The following ENTHD1 variants were observed in gnomAD, a reference collection of about 807,000 sequenced individuals.
The protein encoded by ENTHD1 is ENTH domain containing 1.
In ENTHD1, 23 loss-of-function variants were observed where a neutral mutation model predicts 39.1. The observed-to-expected ratio is 0.59, with a 90% CI of 0.42 to 0.83. The LOEUF is 0.83. ENTHD1 is among the 40% of genes least tolerant of loss of function. ENTHD1 has a pLI of 0.00. For missense variants in ENTHD1, 624 were observed against 705.4 expected (o/e 0.88, Z 1.31); for synonymous variants, 230 against 258.2 (o/e 0.89, Z 1.05).
At chr22:39,820,546 A>AT (rs1244172623) in intron 5 of ENTHD1, among the ~76,000 whole-genome samples, 1 of 152,170 alleles carries the variant, frequency 6.6e-6, no homozygotes, top group Non-Finnish European at 1.5e-5. Context: ...CAATCGTGTA[A>AT]TTTATTGGAG....
chr22:39,779,434 AC>A (rs1214377999), intron 5 of ENTHD1, among the ~76,000 whole-genome samples: 1 of 152,136 alleles, frequency 6.6e-6, no homozygotes, highest in African/African-American at 2.4e-5. Flanking sequence ...AAAAATAACA[AC>A]TGAAATTTTA....
At chr22:39,893,590 C>G (rs767240652) in intron 1 of ENTHD1, 105 bp downstream of exon 1, 3 of 152,422 alleles carry the variant, frequency 2.0e-5, no homozygotes, top group Admixed American at 6.5e-5. Context: ...CTCCCGCCCC[C>G]ACCTGGACTC....
At chr22:39,815,127 G>C (rs987400110) in intron 5 of ENTHD1, among the ~76,000 whole-genome samples, 1 of 152,132 alleles carries the variant, frequency 6.6e-6, no homozygotes, top group African/African-American at 2.4e-5. Context: ...GAAATGTGTC[G>C]ACATATGAAA....
chr22:39,794,646 C>CA (rs902059647), intron 5 of ENTHD1, among the ~76,000 whole-genome samples: 50 of 150,314 alleles, frequency 3.3e-4, no homozygotes, highest in East Asian at 2.0e-3. Context: ...ACTAAAAATA[C>CA]AAAAAAAAAT....
chr22:39,816,533 A>G (rs531804105), intron 5 of ENTHD1, among the ~76,000 whole-genome samples: 1 of 152,236 alleles, frequency 6.6e-6, no homozygotes, highest in East Asian at 1.9e-4. Context: ...TAGAGTTGTT[A>G]AACAGATACT....
At chr22:39,750,884 G>T in intron 6 of ENTHD1, 1 of 161,126 alleles carries the variant, frequency 6.2e-6, no homozygotes. Flanking sequence ...TTGTGACTCA[G>T]ATAATCCAGC....
At position 39,743,090 on chromosome 22, in the gene ENTHD1, T is replaced by C. The variant is rs1303652585; in HGVS notation, c.*589A>G. On this transcript the variant is annotated 3_prime_UTR_variant, in exon 7 of 7. Transcript: ENST00000325157. The stretch of plus-strand genomic sequence containing the variant: ...TCTGAAGTAGAATAAAAGGATGCAT[T>C]TGAATTCACCTTGCAATATACATTG... The C allele has an allele frequency of 3.3e-5, 5 of 152,212 alleles. No individual in the cohort carries two copies. Among genetic ancestry groups the C allele is most frequent in the Non-Finnish European group, 7.3e-5 (5 of 68,046 alleles). 9.4% of individuals were successfully genotyped at this position (152,212 alleles called of 1,614,324 possible).
intron 5 of ENTHD1, among the ~76,000 whole-genome samples, chr22:39,779,131 A>G (rs1051037194): frequency 1.3e-5 from 2 of 152,120 alleles, no homozygotes; most frequent in African/African-American, 4.8e-5. Context: ...AGCCTGGCCA[A>G]CATGGTGAAA....
intron 5 of ENTHD1, among the ~76,000 whole-genome samples, chr22:39,788,974 C>A (rs2065481977): frequency 6.6e-6 from 1 of 152,170 alleles, no homozygotes; most frequent in Admixed American, 6.5e-5. Context: ...ATGGTGTAAA[C>A]ATAACTTCTA....
intron 5 of ENTHD1, among the ~76,000 whole-genome samples, chr22:39,818,455 C>T: frequency 1.3e-5 from 2 of 152,148 alleles, no homozygotes; most frequent in East Asian, 3.8e-4. Context: ...GTCAAAGTAA[C>T]TGGAACAAAG....
chr22:39,786,687 C>T (rs937171906), intron 5 of ENTHD1, among the ~76,000 whole-genome samples: 8 of 152,070 alleles, frequency 5.3e-5, no homozygotes, highest in African/African-American at 1.9e-4. Flanking sequence ...TAACCAACAT[C>T]TCTCCAATCC....
intron 3 of ENTHD1, among the ~76,000 whole-genome samples, chr22:39,851,022 T>A (rs902902296): frequency 6.6e-6 from 1 of 152,236 alleles, no homozygotes; most frequent in Non-Finnish European, 1.5e-5. Context: ...GCAGGTCTCA[T>A]GGTTGTAAAC....
At chr22:39,814,463 GA>G (rs1341406049) in intron 5 of ENTHD1, among the ~76,000 whole-genome samples, 1 of 150,526 alleles carries the variant, frequency 6.6e-6, no homozygotes, top group Non-Finnish European at 1.5e-5. Flanking sequence ...TTGTCTCAGG[GA>G]AAAAAAAAGA....
chr22:39,779,779 G>A (rs2065393841), intron 5 of ENTHD1, among the ~76,000 whole-genome samples: 1 of 152,140 alleles, frequency 6.6e-6, no homozygotes, highest in Admixed American at 6.6e-5. Flanking sequence ...TCAAAATGTG[G>A]AGGGGATAAA....
Position 39,765,239 on chromosome 22 carries a change from G to A in ENTHD1, c.1203C>T (p.Leu401=). ...QSSIQMDDKI[L]KTTTRVSTAS... is the part of the protein sequence containing the mutation. ...CAGACTCACCCCGTGTGGTTGTCTT[G>A]AGGATTTTATCATCCATCTGAATGC... The change falls in exon 6 of 7, where the codon CTC becomes CTT. Residue 401 remains leucine, a synonymous_variant. Coordinates refer to ENST00000325157, the MANE Select transcript of ENTHD1 (RefSeq NM_152512.4). 6.2e-7 allele frequency: 1 copy of A among 1,608,366 alleles called. No homozygotes were observed. Among genetic ancestry groups the A allele is most frequent in the Non-Finnish European group, 8.5e-7 (1 of 1,177,256 alleles).
intron 4 of ENTHD1, among the ~76,000 whole-genome samples, chr22:39,828,154 A>G (rs1472107607): frequency 1.3e-5 from 2 of 152,204 alleles, no homozygotes; most frequent in Admixed American, 1.3e-4. Flanking sequence ...AAATGTGTAG[A>G]CACAAAAATT....
chr22:39,744,032 G>A lies in ENTHD1; in HGVS notation c.1471C>T (p.Leu491=), dbSNP rs373242296. The change falls in exon 7 of 7, where the codon CTG becomes TTG. Residue 491 remains leucine, a synonymous_variant. Transcript: ENST00000325157. ...TCAGAGTTATTTGGAAGAATTCCCAGTAGATTGAGGCTATCATTTTCCTCT... is the reference window on the plus strand; with the variant it reads ...TCAGAGTTATTTGGAAGAATTCCCAATAGATTGAGGCTATCATTTTCCTCT... ...DVEENDSLNL[L]GILPNNSDSA... The A allele has an allele frequency of 6.8e-6, 11 of 1,614,062 alleles. No homozygotes were observed. In the African/African-American group the frequency reaches 1.1e-4, roughly 16 times the overall value.
intron 3 of ENTHD1, among the ~76,000 whole-genome samples, chr22:39,858,005 C>T (rs2146718231): frequency 6.6e-6 from 1 of 152,200 alleles, no homozygotes; most frequent in Middle Eastern, 3.4e-3. Context: ...TAAAGTAAGA[C>T]AACAATAAAG....
At chr22:39,826,991 G>T (rs1179824870) in intron 4 of ENTHD1, among the ~76,000 whole-genome samples, 1 of 151,548 alleles carries the variant, frequency 6.6e-6, no homozygotes, top group Non-Finnish European at 1.5e-5. Context: ...GGGACTATAA[G>T]CGCATGCCAC....
Sources: allele counts gnomAD v4.1 joint callset (sites outside exome capture counted in the v4.1 genomes callset), GRCh38; gene constraint gnomAD v4.1.1; transcripts MANE v1.5; gene names NCBI Gene and HGNC (gene_info 2026-07-23, HGNC 2026-07-21).